ADAM28: variants seen among roughly 807,000 people sequenced by gnomAD.
ADAM28 encodes ADAM metallopeptidase domain 28.
In ADAM28, 105 loss-of-function variants were observed where a neutral mutation model predicts 101.2. The ratio of observed to expected loss-of-function variants is 1.04; its 90% CI spans 0.89 to 1.22. The LOEUF is 1.22. Ranked by LOEUF, ADAM28 falls within the 50% of genes most tolerant of loss-of-function variation. ADAM28 has a pLI of 0.00. For synonymous variants in ADAM28, 322 were observed against 310.6 expected, an observed-to-expected ratio of 1.04 and a Z score of -0.39; for missense variants, 1,028 against 945.4, an observed-to-expected ratio of 1.09 and a Z score of -1.15.
Position 24,335,527 on chromosome 8 carries a change from T to C in ADAM28, c.1453T>C (p.Cys485Arg). Reference sequence around the variant, plus strand: ...AATGTGTAATGGTAAATCTGGTAATTGTCCTGATGATAGATTCCAAGTCAA... The same window carrying C: ...AATGTGTAATGGTAAATCTGGTAATCGTCCTGATGATAGATTCCAAGTCAA... ...PEMCNGKSGN[C>R]PDDRFQVNGF... Residue 485 changes from cysteine to arginine, a missense_variant, in exon 14 of 23, where the codon TGT becomes CGT. Cys to Arg is a radical substitution (Grantham distance 180). Coordinates refer to ENST00000265769, the MANE Select transcript of ADAM28 (RefSeq NM_014265.6). The C allele has an allele frequency of 6.2e-7, 1 of 1,614,196 alleles. No individual in the cohort carries two copies. Among genetic ancestry groups the C allele is most frequent in the Non-Finnish European group, 8.5e-7 (1 of 1,180,024 alleles).
At position 24,313,370 on chromosome 8, in the gene ADAM28, A is replaced by T. The variant is rs757392052; in HGVS notation, c.384-18A>T. 6 of 1,595,104 alleles carry T rather than the reference A, an allele frequency of 3.8e-6. No homozygotes were observed. The highest frequency in any genetic ancestry group is 5.1e-6 in the Non-Finnish European group (6 of 1,171,540). ...CAACAATATTTGTTAAGAAGCCAGA[A>T]CTCTCATGTTTTTTCAGGGGCTACT... On this transcript the variant is annotated intron_variant, in intron 5 of 22. Transcript: ENST00000265769.
chr8:24,298,874 G>C (rs1315254737), intron 1 of ADAM28, among the ~76,000 whole-genome samples: 1 of 152,066 alleles, frequency 6.6e-6, no homozygotes, highest in East Asian at 1.9e-4. Flanking sequence ...TGTTAGCTTC[G>C]AGAAAATTGA....
rs1563321728 is a variant in ADAM28 at position 24,343,499 on chromosome 8, C to G, written c.1912-7C>G. 6.2e-7 allele frequency: 1 copy of G among 1,613,584 alleles called. No homozygotes were observed. Among genetic ancestry groups the G allele is most frequent in the Non-Finnish European group, 8.5e-7 (1 of 1,179,722 alleles). On this transcript the variant is annotated splice_polypyrimidine_tract_variant and splice_region_variant and intron_variant, in intron 17 of 22. Transcript: ENST00000265769. ...CGGGGACAGTAACAGGATCATTGCTCCCCTAGGTGTGTGACCATGAGCTCC... is the reference window on the plus strand; with the variant it reads ...CGGGGACAGTAACAGGATCATTGCTGCCCTAGGTGTGTGACCATGAGCTCC...
At chr8:24,350,472 G>A (rs925884057) in intron 19 of ADAM28, among the ~76,000 whole-genome samples, 1 of 151,760 alleles carries the variant, frequency 6.6e-6, no homozygotes, top group Non-Finnish European at 1.5e-5. Flanking sequence ...CCACCACACC[G>A]GGTTATTTTT....
At chr8:24,342,273 C>T (rs1380030996) in intron 16 of ADAM28, among the ~76,000 whole-genome samples, 1 of 152,138 alleles carries the variant, frequency 6.6e-6, no homozygotes, top group Non-Finnish European at 1.5e-5. Context: ...TATATATTCA[C>T]TAAGATATCC....
intron 21 of ADAM28, 96 bp downstream of exon 21, chr8:24,352,148 A>T (rs1265485377): frequency 1.9e-6 from 2 of 1,049,136 alleles, no homozygotes; most frequent in Non-Finnish European, 2.9e-6. Flanking sequence ...TTTCTTCAGG[A>T]CAATATTGAA....
chr8:24,305,477 TA>T lies in ADAM28; in HGVS notation c.151-4413del, dbSNP rs757200200. Among the ~76,000 whole-genome samples the T allele has an allele frequency of 1.1e-3, 159 of 138,864 alleles. 7 individuals are homozygous for T. The highest frequency in any genetic ancestry group is 3.5e-3 in the African/African-American group (121 of 34,210). 91.1% of individuals were successfully genotyped at this position (138,864 alleles called of 152,430 possible). A position where few individuals can be genotyped will look rare whatever the true frequency, so the allele number is the denominator to read the frequency against. On this transcript the variant is annotated intron_variant, in intron 2 of 22. Transcript: ENST00000265769. Reference sequence around the variant, plus strand: ...TTTTTTTTTTTTTTTTTTTTTTTTTTAAAATATGTCTTTGCTATGTCTCTAC... The same window carrying T: ...TTTTTTTTTTTTTTTTTTTTTTTTTTAAATATGTCTTTGCTATGTCTCTAC...
At chr8:24,335,955 A>G (rs1813982359) in intron 14 of ADAM28, 5 of 1,083,622 alleles carry the variant, frequency 4.6e-6, no homozygotes, top group Non-Finnish European at 5.6e-6. Context: ...GTGTATCTGA[A>G]ATTCAAATTA....
At position 24,311,390 on chromosome 8, in the gene ADAM28, T is replaced by C; in HGVS notation, c.336T>C (p.Leu112=). 1 of 1,613,182 alleles carries C rather than the reference T, an allele frequency of 6.2e-7. No homozygotes were observed. The highest frequency in any genetic ancestry group is 1.7e-5 in the Admixed American group (1 of 59,902). The change falls in exon 5 of 23, where the codon CTT becomes CTC. Residue 112 remains leucine, a synonymous_variant. Coordinates refer to ENST00000265769, the MANE Select transcript of ADAM28 (RefSeq NM_014265.6). ...MDDCYYQGHI[L]NEKVSDASIS... is the part of the protein sequence containing the mutation. ...ATTGTTATTATCAAGGACATATTCT[T>C]AATGAAAAGGTTTCTGACGCTAGCA... is the stretch of plus-strand genomic sequence containing the variant.
rs1375049799 is a variant in ADAM28, at chr8:24,343,565, T to G, written c.1971T>G (p.Asp657Glu). 1.2e-6 allele frequency: 2 copies of G among 1,613,710 alleles called. No individual in the cohort carries two copies. The highest frequency in any genetic ancestry group is 2.2e-5 in the East Asian group (1 of 44,874). Residue 657 changes from aspartate (D) to glutamate (E), a missense_variant, in exon 18 of 23, where the codon GAT becomes GAG. By Grantham distance (45) the Asp-to-Glu change is conservative (BLOSUM62 2). Transcript: ENST00000265769. ...CEEGWIPPDC[D>E]DSSVVFHFSI... The stretch of plus-strand genomic sequence containing the variant: ...AAGGATGGATCCCTCCCGACTGCGA[T>G]GACTCCTCAGTGGTCTTCCGTAGGT...
At chr8:24,333,600 C>T (rs1465655762) in intron 13 of ADAM28, among the ~76,000 whole-genome samples, 3 of 152,188 alleles carry the variant, frequency 2.0e-5, no homozygotes, top group Non-Finnish European at 4.4e-5. Context: ...TTACTCCTAC[C>T]TGCTGCTGTT....
At chr8:24,312,136 T>TA (rs1810544083) in intron 5 of ADAM28, among the ~76,000 whole-genome samples, 1 of 152,212 alleles carries the variant, frequency 6.6e-6, no homozygotes, top group Non-Finnish European at 1.5e-5. Context: ...ACTATGCATC[T>TA]GTCTATATAT....
intron 11 of ADAM28, among the ~76,000 whole-genome samples, chr8:24,330,332 T>C (rs1813210723): frequency 6.6e-6 from 1 of 152,212 alleles, no homozygotes; most frequent in African/African-American, 2.4e-5. Flanking sequence ...TTCATCATTT[T>C]ATCCTCATCT....
Position 24,335,565 on chromosome 8 carries a change from C to A in ADAM28, c.1491C>A (p.Cys497Ter). The A allele has an allele frequency of 6.2e-7, 1 of 1,613,914 alleles. No homozygotes were observed. Among genetic ancestry groups the A allele is most frequent in the African/African-American group, 1.3e-5 (1 of 75,020 alleles). Residue 497 changes from cysteine to a stop codon, truncating the protein, a stop_gained, in exon 14 of 23, where the codon TGC (cysteine) becomes TGA (stop). Transcript: ENST00000265769. LOFTEE classifies it high-confidence loss of function. ...GATTCCAAGTCAATGGCTTCCCTTG[C>A]CATCACGGGAAGGGCCACTGCTTGA... ...DDRFQVNGFPCHHGKGHCLMG... is the reference protein window; with the variant it reads ...DDRFQVNGFP
intron 9 of ADAM28, 28 bp from the exon 10 acceptor site, chr8:24,326,526 G>C (rs539821371): frequency 6.2e-7 from 1 of 1,600,258 alleles, no homozygotes; most frequent in Admixed American, 1.7e-5. Flanking sequence ...ATTATAATTT[G>C]TTACATCAAT....
chr8:24,320,028 C>G (rs1811660864), intron 6 of ADAM28, among the ~76,000 whole-genome samples: 1 of 151,926 alleles, frequency 6.6e-6, no homozygotes, highest in Admixed American at 6.6e-5. Flanking sequence ...AGGAATCAGA[C>G]CAGAATATTG....
chr8:24,335,815 A>T, intron 14 of ADAM28, 174 bp downstream of exon 14: 1 of 1,276,806 alleles, frequency 7.8e-7, no homozygotes. Context: ...AGATTTAGCA[A>T]GTAAAAATAA....
rs770708054 is a variant in ADAM28 at position 24,330,021 on chromosome 8, A to T, written c.1009A>T (p.Met337Leu). ...SDNLLRVAGT[M>L]AHEMGHNFGM... ...TAATCTTCTTAGAGTTGCAGGGACA[A>T]TGGCACATGAAATGGGCCACAACTT... Residue 337 changes from methionine (M) to leucine (L), a missense_variant, in exon 11 of 23, where the codon ATG becomes TTG. Met to Leu is a conservative substitution (Grantham distance 15, BLOSUM62 2). Coordinates refer to ENST00000265769, the MANE Select transcript of ADAM28 (RefSeq NM_014265.6). 2.5e-6 allele frequency: 4 copies of T among 1,613,632 alleles called. No individual in the cohort carries two copies. Among genetic ancestry groups the T allele is most frequent in the Non-Finnish European group, 3.4e-6 (4 of 1,179,710 alleles).
In ADAM28 at chr8:24,351,990, A is replaced by T; in HGVS notation, c.2182A>T (p.Ser728Cys). 1 of 1,613,552 alleles carries T rather than the reference A, an allele frequency of 6.2e-7. No individual in the cohort carries two copies. Among genetic ancestry groups the T allele is most frequent in the South Asian group, 1.1e-5 (1 of 91,056 alleles). Reference protein sequence around the residue: ...MVKAVQPQEMSQMKPHVYDLP... With the variant: ...MVKAVQPQEMCQMKPHVYDLP... ...AAATATTCGTTCTTCTTTTCAGATGAGTCAGATGAAGCCCCATGTGTATGA... is the reference window on the plus strand; with the variant it reads ...AAATATTCGTTCTTCTTTTCAGATGTGTCAGATGAAGCCCCATGTGTATGA... The change falls in exon 21 of 23, where the codon AGT becomes TGT. Residue 728 changes from serine to cysteine, a missense_variant. Coordinates refer to ENST00000265769, the MANE Select transcript of ADAM28 (RefSeq NM_014265.6).
Sources: gnomAD v4.1 joint callset for allele counts (sites outside exome capture counted in the v4.1 genomes callset) on GRCh38, gnomAD v4.1.1 for gene constraint, MANE v1.5 for transcripts, NCBI Gene and HGNC (gene_info 2026-07-23, HGNC 2026-07-21) for gene names.